NEDD1: variants seen among roughly 807,000 people sequenced by gnomAD.
NEDD1 encodes the protein NEDD1 gamma-tubulin ring complex targeting factor.
NEDD1 carries 33 observed loss-of-function variants against 74.0 expected under a neutral mutation model. The observed-to-expected ratio is 0.45, with a 90% CI of 0.34 to 0.60. The LOEUF (loss-of-function observed/expected upper bound fraction) is 0.60, where lower values mean the gene tolerates loss of function less well. Ranked by LOEUF, NEDD1 falls within the 20% of genes least tolerant of loss-of-function variation. NEDD1 has a pLI of 0.01. For missense variants in NEDD1, 746 were observed against 776.5 expected, an observed-to-expected ratio of 0.96 and a Z score of 0.47; for synonymous variants, 250 against 264.4, an observed-to-expected ratio of 0.95 and a Z score of 0.53.
intron 2 of NEDD1, 139 bp downstream of exon 2, chr12:96,907,995 AC>A: frequency 2.1e-6 from 1 of 483,176 alleles, no homozygotes; most frequent in Non-Finnish European, 3.0e-6. Context: ...TCAGTGATCT[AC>A]CCACTACACC....
intron 6 of NEDD1, among the ~76,000 whole-genome samples, chr12:96,926,366 A>G (rs145556049): frequency 4.9e-4 from 74 of 152,208 alleles, no homozygotes; most frequent in African/African-American, 1.8e-3. Flanking sequence ...TGTTTTGTGT[A>G]CCATTTTATT....
At chr12:96,923,788 T>TGTGTGTGTG (rs1875373530) in intron 6 of NEDD1, among the ~76,000 whole-genome samples, 84 of 142,358 alleles carry the variant, frequency 5.9e-4, no homozygotes, top group Middle Eastern at 7.3e-3. Flanking sequence ...TAATACCTGT[T>TGTGTGTGTG]TGTGTGTGTG....
In NEDD1 at chr12:96,920,077, T is replaced by C. The variant is rs1874903259; in HGVS notation, c.441T>C (p.Ser147=). 2.5e-6 allele frequency: 4 copies of C among 1,606,530 alleles called. No homozygotes were observed. The highest frequency in any genetic ancestry group is 1.3e-5 in the African/African-American group (1 of 74,862). The stretch of plus-strand genomic sequence containing the variant: ...TTAGTGGTGAAATTATTTTACACAG[T>C]GTAACCACTAATTTATCTAGTACTC... ...GSLSGEIILH[S]VTTNLSSTPF... Residue 147 remains serine (S), a synonymous_variant, in exon 6 of 16, where the codon AGT becomes AGC. Transcript: ENST00000266742.
rs569021434 is a variant in NEDD1 at position 96,912,778 on chromosome 12, C to G, written c.192C>G (p.Cys64Trp). 6.8e-6 allele frequency: 11 copies of G among 1,608,290 alleles called. No homozygotes were observed. The South Asian group carries it at 1.2e-4, about 18-fold the overall frequency. Residue 64 changes from cysteine to tryptophan, a missense_variant, in exon 4 of 16, where the codon TGC becomes TGG. By Grantham distance (215) the Cys-to-Trp change is radical. Coordinates refer to ENST00000266742, the MANE Select transcript of NEDD1 (RefSeq NM_152905.4). ...SSGDKIVVSS[C>W]KCKPVPLLEL... Reference sequence around the variant, plus strand: ...GCGACAAAATAGTTGTCTCAAGTTGCAAATGTAAACCTGTTCCACTTTTAG... The same window carrying G: ...GCGACAAAATAGTTGTCTCAAGTTGGAAATGTAAACCTGTTCCACTTTTAG...
intron 6 of NEDD1, among the ~76,000 whole-genome samples, chr12:96,927,183 T>G (rs1449042699): frequency 6.6e-6 from 1 of 152,196 alleles, no homozygotes; most frequent in Non-Finnish European, 1.5e-5. Context: ...TTTTCTACTT[T>G]TGCTTCTATG....
rs1803817431 is a variant in NEDD1, at chr12:96,952,817, T to C, written c.*764T>C. The C allele has an allele frequency of 6.6e-6, 1 of 151,742 alleles. No individual in the cohort carries two copies. Among genetic ancestry groups the C allele is most frequent in the Non-Finnish European group, 1.5e-5 (1 of 67,694 alleles). 9.4% of individuals were successfully genotyped at this position (151,742 alleles called of 1,614,324 possible). On this transcript the variant is annotated 3_prime_UTR_variant, in exon 16 of 16. Coordinates refer to ENST00000266742, the MANE Select transcript of NEDD1 (RefSeq NM_152905.4). ...TTGTACTGCAAAATTTCAATCAACA[T>C]GACAACTTATAATGAGTGGAGATTT...
chr12:96,923,067 T>C (rs962477825), intron 6 of NEDD1, among the ~76,000 whole-genome samples: 3 of 152,018 alleles, frequency 2.0e-5, no homozygotes, highest in Non-Finnish European at 4.4e-5. Flanking sequence ...CAGTGAGTTC[T>C]GATTGTGCCA....
rs1878822775 is a variant in NEDD1, at chr12:96,952,761, C to T, written c.*708C>T. 1 of 151,610 alleles carries T rather than the reference C, an allele frequency of 6.6e-6. No homozygotes were observed. Among genetic ancestry groups the T allele is most frequent in the African/African-American group, 2.4e-5 (1 of 41,368 alleles). The allele number at this position is 151,610 out of a possible 1,614,324, so 9.4% of individuals were successfully genotyped here. A position where few individuals can be genotyped will look rare whatever the true frequency, so the allele number is the denominator to read the frequency against. ...GTTCATAGGACTCGACAAGAGCTATCTGGTGATTTTCTCATTAGTAACATG... is the reference window on the plus strand; with the variant it reads ...GTTCATAGGACTCGACAAGAGCTATTTGGTGATTTTCTCATTAGTAACATG... On this transcript the variant is annotated 3_prime_UTR_variant, in exon 16 of 16. Coordinates refer to ENST00000266742, the MANE Select transcript of NEDD1 (RefSeq NM_152905.4).
At chr12:96,912,150 T>C (rs956428631) in intron 3 of NEDD1, among the ~76,000 whole-genome samples, 1 of 152,142 alleles carries the variant, frequency 6.6e-6, no homozygotes, top group Non-Finnish European at 1.5e-5. Flanking sequence ...ACAATTCCTA[T>C]TTAACCATAC....
At chr12:96,950,276 TAAG>T (rs1878588978) in intron 14 of NEDD1, among the ~76,000 whole-genome samples, 1 of 151,978 alleles carries the variant, frequency 6.6e-6, no homozygotes, top group Admixed American at 6.6e-5. Flanking sequence ...CTGGTAATAC[TAAG>T]TCTTGATGAT....
intron 6 of NEDD1, among the ~76,000 whole-genome samples, chr12:96,922,950 A>G (rs531173398): frequency 1.3e-5 from 2 of 152,244 alleles, no homozygotes; most frequent in South Asian, 2.1e-4. Context: ...CCTCATCTCT[A>G]TTAAAAATAT....
chr12:96,921,422 C>G (rs369634125), intron 6 of NEDD1, among the ~76,000 whole-genome samples: 1 of 152,114 alleles, frequency 6.6e-6, no homozygotes, highest in African/African-American at 2.4e-5. Flanking sequence ...CTCAGGTGAT[C>G]CACCTCCCTC....
chr12:96,916,615 A>G (rs986709883), intron 4 of NEDD1, among the ~76,000 whole-genome samples: 16 of 147,890 alleles, frequency 1.1e-4, no homozygotes, highest in Non-Finnish European at 2.2e-4. Flanking sequence ...ATAGTATTCC[A>G]TGGTGTATAT....
At chr12:96,937,084 A>C in intron 8 of NEDD1, 114 bp from the exon 9 acceptor site, 1 of 610,458 alleles carries the variant, frequency 1.6e-6, no homozygotes, top group Non-Finnish European at 2.5e-6. Flanking sequence ...CAGCAAGCTT[A>C]AGATTTGCAA....
intron 12 of NEDD1, among the ~76,000 whole-genome samples, chr12:96,944,036 G>A (rs1329179918): frequency 6.6e-6 from 1 of 152,064 alleles, no homozygotes; most frequent in Non-Finnish European, 1.5e-5. Context: ...TCCTTTTAAA[G>A]TGTATTTCAT....
rs1878036523 is a variant in NEDD1 at position 96,944,813 on chromosome 12, C to G, written c.1654+18C>G. 1 of 1,505,926 alleles carries G rather than the reference C, an allele frequency of 6.6e-7. No homozygotes were observed. The highest frequency in any genetic ancestry group is 1.4e-5 in the African/African-American group (1 of 69,730). The allele number at this position is 1,505,926 out of a possible 1,614,324, so 93.3% of individuals were successfully genotyped here. A position where few individuals can be genotyped will look rare whatever the true frequency, so the allele number is the denominator to read the frequency against. On this transcript the variant is annotated intron_variant, in intron 13 of 15. Coordinates refer to ENST00000266742, the MANE Select transcript of NEDD1 (RefSeq NM_152905.4). ...AACTCCAAGTAAGTACATGAAACTTCCTGATGTTTGAAAGTGTTTGATTGA... is the reference window on the plus strand; with the variant it reads ...AACTCCAAGTAAGTACATGAAACTTGCTGATGTTTGAAAGTGTTTGATTGA...
chr12:96,938,554 G>A (rs1877357041), intron 9 of NEDD1, among the ~76,000 whole-genome samples: 1 of 151,928 alleles, frequency 6.6e-6, no homozygotes, highest in Non-Finnish European at 1.5e-5. Flanking sequence ...GCATTAATTT[G>A]CAAATCAAAG....
intron 6 of NEDD1, among the ~76,000 whole-genome samples, chr12:96,921,204 C>T (rs775682251): frequency 2.6e-5 from 4 of 152,012 alleles, no homozygotes; most frequent in Non-Finnish European, 4.4e-5. Context: ...TTTTTTGAGG[C>T]GGAGTCTCGC....
At position 96,922,409 on chromosome 12, in the gene NEDD1, T is replaced by G. The variant is rs567609371; in HGVS notation, c.489+2284T>G. ...AAGGACATAGAGTAACTTTCTTTTT[T>G]TGTGTGTGTTAGAAGCATGACAAAT... On this transcript the variant is annotated intron_variant, in intron 6 of 15. Coordinates refer to ENST00000266742, the MANE Select transcript of NEDD1 (RefSeq NM_152905.4). Among the ~76,000 whole-genome samples, 40 of 152,298 alleles carry G rather than the reference T, an allele frequency of 2.6e-4. No individual in the cohort carries two copies. In the South Asian group the frequency reaches 6.8e-3, roughly 26 times the overall value.
Sources: allele counts gnomAD v4.1 joint callset (sites outside exome capture counted in the v4.1 genomes callset), GRCh38; gene constraint gnomAD v4.1.1; transcripts MANE v1.5; gene names NCBI Gene and HGNC (gene_info 2026-07-23, HGNC 2026-07-21).